Variants in CLMN observed in about 807,000 individuals in gnomAD.
The protein encoded by CLMN is calmin.
CLMN carries 57 observed loss-of-function variants against 92.7 expected under a neutral mutation model. That is an observed-to-expected ratio of 0.61 (90% confidence interval 0.50 to 0.77). The LOEUF (loss-of-function observed/expected upper bound fraction) is 0.77, where lower values mean the gene tolerates loss of function less well. Among genes scored for constraint, CLMN ranks in the 30% least tolerant of loss-of-function variants. The pLI is 0.00. For synonymous variants in CLMN, 466 were observed against 470.6 expected, an observed-to-expected ratio of 0.99 and a Z score of 0.13; for missense variants, 1,158 against 1,237.5, an observed-to-expected ratio of 0.94 and a Z score of 0.96.
chr14:95,231,694 AAG>A (rs1314930727), intron 1 of CLMN, among the ~76,000 whole-genome samples: 1 of 152,200 alleles, frequency 6.6e-6, no homozygotes, highest in Non-Finnish European at 1.5e-5. Flanking sequence ...TGCTCAGCTG[AAG>A]AGAGGCAGAG....
At chr14:95,205,307 G>C (rs1362791394) in intron 8 of CLMN, among the ~76,000 whole-genome samples, 1 of 152,138 alleles carries the variant, frequency 6.6e-6, no homozygotes, top group Non-Finnish European at 1.5e-5. Context: ...TACAAGACAT[G>C]AAGAGGCAGG....
At chr14:95,258,699 T>C (rs945306509) in intron 1 of CLMN, among the ~76,000 whole-genome samples, 1 of 142,804 alleles carries the variant, frequency 7.0e-6, no homozygotes, top group African/African-American at 2.7e-5. Flanking sequence ...TGTGGTTGTG[T>C]GTGGAGGGTG....
intron 1 of CLMN, among the ~76,000 whole-genome samples, chr14:95,289,644 C>T (rs532412753): frequency 8.5e-5 from 13 of 152,220 alleles, no homozygotes; most frequent in Admixed American, 4.6e-4. Flanking sequence ...GCATTGAAGG[C>T]TTCAAACCAG....
rs1896634352 is a variant in CLMN, at chr14:95,194,167, C to A, written c.2770-248G>T. On this transcript the variant is annotated intron_variant, in intron 11 of 12. Transcript: ENST00000298912. The surrounding 1 kb of genome is among the most constrained non-coding windows in gnomAD (Gnocchi z 4.0). ...GAACCCGGATTGGGGTGTGCTGCTCCGGGTTCTAACACATCTGCTACTGAG... is the reference window on the plus strand; with the variant it reads ...GAACCCGGATTGGGGTGTGCTGCTCAGGGTTCTAACACATCTGCTACTGAG... 7.1e-7 allele frequency: 1 copy of A among 1,404,242 alleles called. No individual in the cohort carries two copies. Among genetic ancestry groups the A allele is most frequent in the Non-Finnish European group, 9.2e-7 (1 of 1,084,770 alleles). The allele number at this position is 1,404,242 out of a possible 1,614,324, so 87.0% of individuals were successfully genotyped here.
intron 1 of CLMN, among the ~76,000 whole-genome samples, chr14:95,250,575 C>T (rs1898741666): frequency 6.6e-6 from 1 of 152,188 alleles, no homozygotes; most frequent in Admixed American, 6.5e-5. Context: ...TTATGTTGCC[C>T]CACATGTAAC....
At chr14:95,225,718 G>A (rs768900829) in intron 2 of CLMN, among the ~76,000 whole-genome samples, 15 of 152,124 alleles carry the variant, frequency 9.9e-5, no homozygotes, top group East Asian at 1.9e-4. Flanking sequence ...CTCAGTTCCC[G>A]TAGACTACTT....
At chr14:95,298,126 C>T (rs1438044726) in intron 1 of CLMN, among the ~76,000 whole-genome samples, 2 of 152,134 alleles carry the variant, frequency 1.3e-5, no homozygotes, top group African/African-American at 2.4e-5. Flanking sequence ...GCTCCCATGG[C>T]GTCATCGATC....
At chr14:95,198,832 G>C (rs1304484072) in intron 9 of CLMN, among the ~76,000 whole-genome samples, 2 of 152,216 alleles carry the variant, frequency 1.3e-5, no homozygotes, top group Non-Finnish European at 2.9e-5. Context: ...TGCCACATTT[G>C]TATTTTCACA....
intron 1 of CLMN, among the ~76,000 whole-genome samples, chr14:95,234,174 T>C (rs1897976415): frequency 6.6e-6 from 1 of 152,212 alleles, no homozygotes; most frequent in South Asian, 2.1e-4. Flanking sequence ...AGAATGAGGT[T>C]GGCCATGCCT....
chr14:95,236,618 CA>C (rs1363857712), intron 1 of CLMN, among the ~76,000 whole-genome samples: 2 of 152,212 alleles, frequency 1.3e-5, no homozygotes, highest in African/African-American at 4.8e-5. Context: ...GCAACACTGC[CA>C]GGGGCAGAGG....
At chr14:95,218,863 G>A (rs1411557593) in intron 4 of CLMN, among the ~76,000 whole-genome samples, 7 of 152,248 alleles carry the variant, frequency 4.6e-5, no homozygotes, top group Non-Finnish European at 8.8e-5. Context: ...ACTGCAGGCA[G>A]TTTGGAAAAT....
At chr14:95,264,398 C>T (rs76759814) in intron 1 of CLMN, among the ~76,000 whole-genome samples, 6 of 152,188 alleles carry the variant, frequency 3.9e-5, no homozygotes, top group Non-Finnish European at 5.9e-5. Context: ...GAACTGGATT[C>T]GAGGCCCCAC....
chr14:95,319,287 T>C (rs1901932649), intron 1 of CLMN, among the ~76,000 whole-genome samples: 2 of 147,158 alleles, frequency 1.4e-5, no homozygotes, highest in East Asian at 4.0e-4. Context: ...CGAAGGTACT[T>C]AGGAAGTGCG....
chr14:95,274,573 A>AAAGGG (rs1899849068), intron 1 of CLMN, among the ~76,000 whole-genome samples: 2 of 152,198 alleles, frequency 1.3e-5, no homozygotes, highest in Admixed American at 1.3e-4. Flanking sequence ...AAGCGTCCCC[A>AAAGGG]AAGCTCACAC....
chr14:95,257,386 G>A (rs116181525), intron 1 of CLMN, among the ~76,000 whole-genome samples: 4,003 of 152,206 alleles, frequency 0.026, 192 homozygotes, highest in African/African-American at 0.092. Flanking sequence ...GTAAATGAAG[G>A]TGTCTATTCA....
At chr14:95,230,037 T>C (rs1566881299) in intron 2 of CLMN, 35 bp downstream of exon 2, 1 of 1,595,920 alleles carries the variant, frequency 6.3e-7, no homozygotes, top group Non-Finnish European at 8.6e-7. Flanking sequence ...TACAGATGAA[T>C]CTATCACTTA....
chr14:95,319,667 C>T, intron 1 of CLMN, 44 bp downstream of exon 1: 2 of 1,525,386 alleles, frequency 1.3e-6, no homozygotes, highest in Non-Finnish European at 1.8e-6. Context: ...GCCCCGGGCC[C>T]CCCGAGCGCC....
chr14:95,236,276 G>C (rs1209635410), intron 1 of CLMN, among the ~76,000 whole-genome samples: 3 of 152,178 alleles, frequency 2.0e-5, no homozygotes, highest in Non-Finnish European at 4.4e-5. Flanking sequence ...GCAGCGTCCT[G>C]GGGGCATGTG....
Position 95,191,512 on chromosome 14 carries a change from T to C in CLMN, c.*52A>G. 2.0e-6 allele frequency: 3 copies of C among 1,503,478 alleles called. No individual in the cohort carries two copies. Among genetic ancestry groups the C allele is most frequent in the Non-Finnish European group, 2.7e-6 (3 of 1,119,856 alleles). The allele number at this position is 1,503,478 out of a possible 1,614,324, so 93.1% of individuals were successfully genotyped here. A position where few individuals can be genotyped will look rare whatever the true frequency, so the allele number is the denominator to read the frequency against. ...ACCCAGAACCCAAAATAAAATGAAG[T>C]AACCCCGCCCCTGGTCAGGGTCCTG... On this transcript the variant is annotated 3_prime_UTR_variant, in exon 13 of 13. Transcript: ENST00000298912. The surrounding 1 kb of genome is among the most constrained non-coding windows in gnomAD (Gnocchi z 5.3).
Sources: gnomAD v4.1 joint callset for allele counts (sites outside exome capture counted in the v4.1 genomes callset) on GRCh38, gnomAD v4.1.1 for gene constraint, Gnocchi (gnomAD v3.1) non-coding constraint, MANE v1.5 for transcripts, NCBI Gene and HGNC (gene_info 2026-07-23, HGNC 2026-07-21) for gene names.